The following HMGN1 variants were observed in gnomAD, a reference collection of about 807,000 sequenced individuals.
The protein encoded by HMGN1 is non-histone chromosomal protein HMG-14.
A neutral mutation model predicts 18.4 loss-of-function variants in HMGN1; 9 were observed. The observed-to-expected ratio is 0.49, with a 90% CI of 0.29 to 0.85. The LOEUF is 0.85. Ranked by LOEUF, HMGN1 falls within the 40% of genes least tolerant of loss-of-function variation. HMGN1 has a pLI of 0.07. For missense variants in HMGN1, 151 were observed against 119.2 expected (o/e 1.27, Z -1.24); for synonymous variants, 59 against 45.0 (o/e 1.31, Z -1.24).
chr21:39,348,768 TGCCC>T, intron 1 of HMGN1, 131 bp downstream of exon 1: 2 of 1,054,746 alleles, frequency 1.9e-6, no homozygotes, highest in Non-Finnish European at 2.5e-6. Flanking sequence ...AGCGCTCGCC[TGCCC>T]GCCCGCCGGT....
At chr21:39,347,186 G>A (rs527808262) in intron 4 of HMGN1, 176 of 323,294 alleles carry the variant, frequency 5.4e-4, no homozygotes, top group Middle Eastern at 1.3e-3. Flanking sequence ...TGTATACAGA[G>A]AATTACCACA....
At chr21:39,347,378 CCTTT>C (rs2146858773) in intron 4 of HMGN1, 1 of 1,163,388 alleles carries the variant, frequency 8.6e-7, no homozygotes, top group South Asian at 1.5e-5. Context: ...TTGTTTTATA[CCTTT>C]ATTTAACAAG....
In HMGN1 at chr21:39,349,049, G is replaced by C. The variant is rs925601965; in HGVS notation, c.-132C>G. 25 of 1,035,808 alleles carry C rather than the reference G, an allele frequency of 2.4e-5. No homozygotes were observed. In the East Asian group the frequency reaches 8.4e-4, roughly 35 times the overall value. The allele number at this position is 1,035,808 out of a possible 1,614,324, so 64.2% of individuals were successfully genotyped here. A position where few individuals can be genotyped will look rare whatever the true frequency, so the allele number is the denominator to read the frequency against. On this transcript the variant is annotated 5_prime_UTR_variant, in exon 1 of 6. Coordinates refer to ENST00000380749, the MANE Select transcript of HMGN1 (RefSeq NM_004965.7). ...CGCTGCCACTCCTCCCGCCGCCCGA[G>C]CTGCTGAGACCCACAGCGGGGGCGG...
rs1275267246 is a variant in HMGN1, at chr21:39,347,463, A to T, written c.126+829T>A. On this transcript the variant is annotated intron_variant, in intron 4 of 5. Transcript: ENST00000380749. The stretch of plus-strand genomic sequence containing the variant: ...TAATCTTGCCTCTTCTGATGACTGC[A>T]GTGCTAAACTTCTACCTACACTTTT... 3.9e-6 allele frequency: 5 copies of T among 1,295,746 alleles called. No homozygotes were observed. The South Asian group carries it at 6.2e-5, about 16-fold the overall frequency. The allele number at this position is 1,295,746 out of a possible 1,614,324, so 80.3% of individuals were successfully genotyped here.
In HMGN1 at chr21:39,348,579, T is replaced by A. The variant is rs1658569035; in HGVS notation, c.16-2A>T. On this transcript the variant is annotated splice_acceptor_variant, in intron 1 of 5. Coordinates refer to ENST00000380749, the MANE Select transcript of HMGN1 (RefSeq NM_004965.7). LOFTEE classifies it high-confidence loss of function. ...GGCGGCGCCTTCGGCGGAGCTGACC[T>A]GCGGAGACGGAGACGCACGAATAGA... 1.9e-6 allele frequency: 3 copies of A among 1,581,620 alleles called. No individual in the cohort carries two copies. Among genetic ancestry groups the A allele is most frequent in the Non-Finnish European group, 2.6e-6 (3 of 1,163,392 alleles).
At chr21:39,348,258 C>G (rs1259426387) in intron 4 of HMGN1, 34 bp downstream of exon 4, 2 of 1,612,148 alleles carry the variant, frequency 1.2e-6, no homozygotes, top group East Asian at 2.2e-5. Flanking sequence ...AGCCTAAGGC[C>G]CCGCTGCATC....
chr21:39,343,761 G>C (rs141511787), intron 5 of HMGN1, among the ~76,000 whole-genome samples: 1 of 152,182 alleles, frequency 6.6e-6, no homozygotes, highest in Non-Finnish European at 1.5e-5. Flanking sequence ...GAGGTTTGTA[G>C]GAACCCAATC....
At chr21:39,348,838 G>T in intron 1 of HMGN1, 65 bp downstream of exon 1, 1 of 1,028,838 alleles carries the variant, frequency 9.7e-7, no homozygotes, top group South Asian at 4.6e-5. Context: ...CCTGGGCCTC[G>T]CGGGGCCCGG....
chr21:39,343,646 G>T (rs897964610), intron 5 of HMGN1, among the ~76,000 whole-genome samples: 1 of 152,166 alleles, frequency 6.6e-6, no homozygotes, highest in Non-Finnish European at 1.5e-5. Flanking sequence ...CAGTGCTACT[G>T]GGTAGTGAGT....
At chr21:39,343,562 G>C (rs1292528157) in intron 5 of HMGN1, among the ~76,000 whole-genome samples, 2 of 152,218 alleles carry the variant, frequency 1.3e-5, no homozygotes, top group Non-Finnish European at 2.9e-5. Flanking sequence ...GCTATCTAAT[G>C]TTGCTCAATT....
At position 39,342,751 on chromosome 21, in the gene HMGN1, A is replaced by C. The variant is rs750007119; in HGVS notation, c.*361T>G. On this transcript the variant is annotated 3_prime_UTR_variant, in exon 6 of 6. Transcript: ENST00000380749. The stretch of plus-strand genomic sequence containing the variant: ...ATAGAAGTAATTTAAAATGTTCAAG[A>C]CATTAAATGCAGGACTGACTCCATA... 1 of 539,874 alleles carries C rather than the reference A, an allele frequency of 1.9e-6. No individual in the cohort carries two copies. The highest frequency in any genetic ancestry group is 1.8e-5 in the South Asian group (1 of 56,682). 33.4% of individuals were successfully genotyped at this position (539,874 alleles called of 1,614,324 possible). A position where few individuals can be genotyped will look rare whatever the true frequency, so the allele number is the denominator to read the frequency against.
chr21:39,347,328 A>C, intron 4 of HMGN1: 1 of 995,172 alleles, frequency 1.0e-6, no homozygotes, highest in Non-Finnish European at 1.3e-6. Context: ...TTTTACACTC[A>C]GCTCTGTAAA....
intron 4 of HMGN1, chr21:39,346,551 A>G (rs1011038212): frequency 1.3e-5 from 2 of 152,344 alleles, no homozygotes; most frequent in African/African-American, 4.8e-5. Context: ...AACCATTATC[A>G]GCTGAAAAGC....
At chr21:39,345,443 A>C (rs1385952238) in intron 4 of HMGN1, 169 bp from the exon 5 acceptor site, 1 of 639,838 alleles carries the variant, frequency 1.6e-6, no homozygotes, top group Non-Finnish European at 2.7e-6. Flanking sequence ...CCAATCTTCA[A>C]GCTTATGAAA....
At chr21:39,348,069 G>T in intron 4 of HMGN1, 1 of 949,400 alleles carries the variant, frequency 1.1e-6, no homozygotes, top group Non-Finnish European at 1.5e-6. Flanking sequence ...ATTTTTTGTC[G>T]TCCTAAGTCT....
chr21:39,349,058 A>AC lies in HMGN1; in HGVS notation c.-142dup, dbSNP rs1165970733. ...TCCTCCCGCCGCCCGAGCTGCTGAG[A>AC]CCCACAGCGGGGGCGGTGGGAGAAC... On this transcript the variant is annotated 5_prime_UTR_variant, in exon 1 of 6. Coordinates refer to ENST00000380749, the MANE Select transcript of HMGN1 (RefSeq NM_004965.7). 10 of 964,774 alleles carry AC rather than the reference A, an allele frequency of 1.0e-5. No homozygotes were observed. The highest frequency in any genetic ancestry group is 1.0e-4 in the South Asian group (2 of 19,532). 59.8% of individuals were successfully genotyped at this position (964,774 alleles called of 1,614,324 possible).
rs2037173223 is a variant in HMGN1, at chr21:39,348,958, AGGCGCGTGCCGGGTGCCTGCGGGCCGC to A, written c.-68_-42del. 8.4e-7 allele frequency: 1 copy of A among 1,187,644 alleles called. No individual in the cohort carries two copies. The highest frequency in any genetic ancestry group is 1.0e-6 in the Non-Finnish European group (1 of 960,080). The allele number at this position is 1,187,644 out of a possible 1,614,324, so 73.6% of individuals were successfully genotyped here. ...GGCGCGTGCCGGGTGCCTGCGGGGA[AGGCGCGTGCCGGGTGCCTGCGGGCCGC>A]GGCGCGCCGACAGCCTTCGCGAAAC... is the stretch of plus-strand genomic sequence containing the variant. On this transcript the variant is annotated 5_prime_UTR_variant, in exon 1 of 6. Coordinates refer to ENST00000380749, the MANE Select transcript of HMGN1 (RefSeq NM_004965.7).
At chr21:39,345,121 A>G (rs2036999889) in intron 5 of HMGN1, 25 bp downstream of exon 5, 1 of 1,562,092 alleles carries the variant, frequency 6.4e-7, no homozygotes, top group South Asian at 1.2e-5. Flanking sequence ...ACACACACAC[A>G]CACACACACA....
intron 3 of HMGN1, 39 bp downstream of exon 3, chr21:39,348,383 C>T (rs192535717): frequency 6.2e-7 from 1 of 1,614,190 alleles, no homozygotes; most frequent in East Asian, 2.2e-5. Flanking sequence ...CCGGGACGAC[C>T]CGCGGAAAAC....
Sources: gnomAD v4.1 joint callset for allele counts (sites outside exome capture counted in the v4.1 genomes callset) on GRCh38, gnomAD v4.1.1 for gene constraint, MANE v1.5 for transcripts, NCBI Gene and HGNC (gene_info 2026-07-23, HGNC 2026-07-21) for gene names.